LRRC4C: variants seen among roughly 807,000 people sequenced by gnomAD.
LRRC4C encodes leucine-rich repeat-containing protein 4C.
In LRRC4C, 5 loss-of-function variants were observed where a neutral mutation model predicts 33.6. That is an observed-to-expected ratio of 0.15 (90% CI 0.08 to 0.31). The LOEUF is 0.31. Among genes scored for constraint, LRRC4C ranks in the 10% least tolerant of loss-of-function variants. The probability of loss-of-function intolerance (pLI) is 1.00; values close to 1 mark genes in which losing one functional copy is unlikely to be tolerated. For missense variants in LRRC4C, 560 were observed against 796.7 expected (o/e 0.70, Z 3.58); for synonymous variants, 329 against 302.0 (o/e 1.09, Z -0.93).
chr11:40,631,340 C>T (rs1331873772), intron 3 of LRRC4C, among the ~76,000 whole-genome samples: 1 of 152,096 alleles, frequency 6.6e-6, no homozygotes, highest in East Asian at 1.9e-4. Flanking sequence ...CTTAAGATGC[C>T]AGGGAGATGG....
intron 3 of LRRC4C, among the ~76,000 whole-genome samples, chr11:40,415,431 C>A (rs1320319052): frequency 6.6e-6 from 1 of 152,118 alleles, no homozygotes. Flanking sequence ...GAGTGTCCAC[C>A]CTTCCTTGCT....
At chr11:40,914,059 C>G (rs969711904) in intron 2 of LRRC4C, among the ~76,000 whole-genome samples, 3 of 152,060 alleles carry the variant, frequency 2.0e-5, no homozygotes, top group Non-Finnish European at 4.4e-5. Flanking sequence ...TAATTAATAG[C>G]TTACCAACCA....
At chr11:40,585,305 TGCTAGATGTGTA>T (rs1375340439) in intron 3 of LRRC4C, among the ~76,000 whole-genome samples, 3 of 152,056 alleles carry the variant, frequency 2.0e-5, no homozygotes, top group African/African-American at 7.2e-5. Flanking sequence ...TCTCCTAAAA[TGCTAGATGTGTA>T]GCTAACACCA....
At chr11:40,884,821 AC>A in intron 2 of LRRC4C, among the ~76,000 whole-genome samples, 1 of 152,174 alleles carries the variant, frequency 6.6e-6, no homozygotes, top group South Asian at 2.1e-4. Flanking sequence ...AAAAAAAGTT[AC>A]CTTTAAAATC....
intron 1 of LRRC4C, among the ~76,000 whole-genome samples, chr11:41,247,407 A>G (rs987092766): frequency 6.6e-6 from 1 of 152,192 alleles, no homozygotes; most frequent in Non-Finnish European, 1.5e-5. Flanking sequence ...TTGCTTTTCA[A>G]TGTCTACTTA....
At chr11:40,220,915 G>A (rs1289194521) in intron 5 of LRRC4C, among the ~76,000 whole-genome samples, 1 of 143,204 alleles carries the variant, frequency 7.0e-6, no homozygotes, top group African/African-American at 2.6e-5. Flanking sequence ...TTACTCTGTT[G>A]CCCAAGCTGG....
At chr11:41,082,427 C>CTT (rs537908452) in intron 1 of LRRC4C, among the ~76,000 whole-genome samples, 42 of 114,918 alleles carry the variant, frequency 3.7e-4, no homozygotes, top group African/African-American at 8.9e-4. Flanking sequence ...AAATCTCACG[C>CTT]TTTTTTTTTT....
At chr11:41,110,557 C>T (rs887908543) in intron 1 of LRRC4C, among the ~76,000 whole-genome samples, 2 of 152,074 alleles carry the variant, frequency 1.3e-5, no homozygotes, top group Admixed American at 6.6e-5. Flanking sequence ...CGCAGGCATA[C>T]ATGAAGCAAT....
chr11:40,604,156 C>CAT (rs969058161), intron 3 of LRRC4C, among the ~76,000 whole-genome samples: 1 of 151,980 alleles, frequency 6.6e-6, no homozygotes, highest in African/African-American at 2.4e-5. Flanking sequence ...ATATTGCAGA[C>CAT]ATATATATAA....
intron 5 of LRRC4C, among the ~76,000 whole-genome samples, chr11:40,160,709 T>G (rs1859081888): frequency 6.6e-6 from 1 of 152,022 alleles, no homozygotes; most frequent in African/African-American, 2.4e-5. Flanking sequence ...AAATCATCAT[T>G]AAAAAGTCAG....
At chr11:41,268,629 T>G (rs1208711062) in intron 1 of LRRC4C, among the ~76,000 whole-genome samples, 2 of 152,132 alleles carry the variant, frequency 1.3e-5, no homozygotes, top group Non-Finnish European at 1.5e-5. Flanking sequence ...AATCCCTTTA[T>G]CCACATAATT....
intron 1 of LRRC4C, among the ~76,000 whole-genome samples, chr11:41,427,348 G>A (rs1457807398): frequency 6.6e-6 from 1 of 152,126 alleles, no homozygotes; most frequent in African/African-American, 2.4e-5. Flanking sequence ...GTGAAGAAGA[G>A]AGATGAGATT....
chr11:40,528,088 T>A (rs1229873377), intron 3 of LRRC4C, among the ~76,000 whole-genome samples: 1 of 152,122 alleles, frequency 6.6e-6, no homozygotes, highest in East Asian at 1.9e-4. Flanking sequence ...TGAAGTTTCA[T>A]GGGAAGAATA....
At chr11:40,221,561 G>C (rs1864420356) in intron 5 of LRRC4C, among the ~76,000 whole-genome samples, 1 of 152,038 alleles carries the variant, frequency 6.6e-6, no homozygotes, top group African/African-American at 2.4e-5. Flanking sequence ...TAACGGAGGA[G>C]ACCATCCCTC....
chr11:41,161,510 A>G (rs879284030), intron 1 of LRRC4C, among the ~76,000 whole-genome samples: 3 of 152,154 alleles, frequency 2.0e-5, no homozygotes, highest in Non-Finnish European at 4.4e-5. Flanking sequence ...TACCTTTTCC[A>G]TCTTCACAAG....
chr11:40,888,787 C>T (rs188678951), intron 2 of LRRC4C, among the ~76,000 whole-genome samples: 3 of 152,040 alleles, frequency 2.0e-5, no homozygotes, highest in South Asian at 4.1e-4. Context: ...TTTGAAGGTT[C>T]TCATGTGTAC....
chr11:40,346,347 C>T (rs2137048946), intron 3 of LRRC4C, among the ~76,000 whole-genome samples: 1 of 152,292 alleles, frequency 6.6e-6, no homozygotes, highest in East Asian at 1.9e-4. Flanking sequence ...GATACATATA[C>T]ACCATAGAAT....
intron 1 of LRRC4C, among the ~76,000 whole-genome samples, chr11:41,066,887 C>A (rs920078462): frequency 6.6e-6 from 1 of 152,148 alleles, no homozygotes; most frequent in African/African-American, 2.4e-5. Context: ...CACTACCAGG[C>A]CTTCCTTGCA....
intron 3 of LRRC4C, among the ~76,000 whole-genome samples, chr11:40,623,483 G>C (rs1962652079): frequency 6.6e-6 from 1 of 151,910 alleles, no homozygotes; most frequent in South Asian, 2.1e-4. Context: ...TTTCTTGACA[G>C]TAATTTAGAT....
Sources: allele counts gnomAD v4.1 joint callset (sites outside exome capture counted in the v4.1 genomes callset), GRCh38; gene constraint gnomAD v4.1.1; transcripts MANE v1.5; gene names NCBI Gene and HGNC (gene_info 2026-07-23, HGNC 2026-07-21).